NAV2: variants seen among roughly 807,000 people sequenced by gnomAD.
The protein encoded by NAV2 is neuron navigator 2, also known as helicase, APC down-regulated 1.
NAV2 carries 54 observed loss-of-function variants against 223.2 expected under a neutral mutation model. That is an observed-to-expected ratio of 0.24 (90% CI 0.19 to 0.30). The LOEUF is 0.30. Among genes scored for constraint, NAV2 ranks in the 10% least tolerant of loss-of-function variants. The pLI, the probability that NAV2 is intolerant of heterozygous loss-of-function variation, is 1.00. For missense variants in NAV2, 2,806 were observed against 3,147.5 expected (o/e 0.89, Z 2.60); for synonymous variants, 1,279 against 1,239.3 (o/e 1.03, Z -0.67).
upstream of NAV2, among the ~76,000 whole-genome samples, chr11:19,346,679 G>A (rs1853033760): frequency 6.6e-6 from 1 of 152,216 alleles, no homozygotes; most frequent in Non-Finnish European, 1.5e-5. Flanking sequence ...AAAGGCGCCA[G>A]GGTTGGCGGC....
At chr11:19,517,599 C>T (rs552599714) in intron 1 of NAV2, among the ~76,000 whole-genome samples, 1 of 152,300 alleles carries the variant, frequency 6.6e-6, no homozygotes, top group South Asian at 2.1e-4. Context: ...AGAAGTCATT[C>T]CAGAATTTCA....
At position 19,935,851 on chromosome 11, in the gene NAV2, GTTTTTT is replaced by G. The variant is rs765632685; in HGVS notation, c.2033+1593_2033+1598del. On this transcript the variant is annotated intron_variant, in intron 7 of 37. Transcript: ENST00000349880. Reference sequence around the variant, plus strand: ...ACGGCTTTTGTTTTGTTTTGTTTCTGTTTTTTTTTTTTTTTTTTTTTTTTGAGATGG... The same window carrying G: ...ACGGCTTTTGTTTTGTTTTGTTTCTGTTTTTTTTTTTTTTTTTTGAGATGG... 2.7e-4 allele frequency among the ~76,000 whole-genome samples: 14 copies of G among 52,702 alleles called. No individual in the cohort carries two copies. In the East Asian group the frequency reaches 3.9e-3, roughly 15 times the overall value. 34.6% of individuals were successfully genotyped at this position (52,702 alleles called of 152,430 possible).
chr11:19,619,191 C>A (rs536801372), intron 1 of NAV2, among the ~76,000 whole-genome samples: 1 of 151,650 alleles, frequency 6.6e-6, no homozygotes, highest in East Asian at 2.0e-4. Flanking sequence ...CAAGTCTTTG[C>A]TATTGCGAAT....
chr11:19,473,353 G>T (rs1161859981), intron 1 of NAV2, among the ~76,000 whole-genome samples: 1 of 151,990 alleles, frequency 6.6e-6, no homozygotes, highest in Non-Finnish European at 1.5e-5. Flanking sequence ...TGCAGGAGGG[G>T]GTGGGGGGAG....
chr11:19,645,122 C>T (rs1390304956), intron 1 of NAV2, among the ~76,000 whole-genome samples: 1 of 152,158 alleles, frequency 6.6e-6, no homozygotes, highest in Non-Finnish European at 1.5e-5. Context: ...ATCAAGGTGT[C>T]GAAAGGTCTG....
chr11:19,482,148 A>G (rs1315348097), intron 1 of NAV2, among the ~76,000 whole-genome samples: 1 of 152,252 alleles, frequency 6.6e-6, no homozygotes, highest in African/African-American at 2.4e-5. Flanking sequence ...TACATTTAAT[A>G]TAATCTAACT....
chr11:19,787,390 A>T (rs758492156), intron 1 of NAV2, among the ~76,000 whole-genome samples: 8 of 145,180 alleles, frequency 5.5e-5, no homozygotes, highest in Non-Finnish European at 8.9e-5. Context: ...TGTTGGGATT[A>T]CAGACGTGAA....
At chr11:19,350,529 G>C (rs1257027214), upstream of NAV2, among the ~76,000 whole-genome samples, 2 of 152,216 alleles carry the variant, frequency 1.3e-5, no homozygotes, top group African/African-American at 4.8e-5. Flanking sequence ...GATGTTAGCA[G>C]CTTGGTGGAT....
chr11:19,418,565 T>C (rs1410375437), intron 1 of NAV2, among the ~76,000 whole-genome samples: 1 of 152,168 alleles, frequency 6.6e-6, no homozygotes, highest in African/African-American at 2.4e-5. Context: ...TGTAATCACA[T>C]CTTACCAGCA....
intron 1 of NAV2, among the ~76,000 whole-genome samples, chr11:19,729,486 T>C (rs1451175368): frequency 6.6e-6 from 1 of 152,224 alleles, no homozygotes; most frequent in African/African-American, 2.4e-5. Context: ...GGCATGTGTC[T>C]CTTTGTCCTC....
At chr11:19,494,466 C>A (rs1487207) in intron 1 of NAV2, among the ~76,000 whole-genome samples, 139,606 of 152,242 alleles carry the variant, frequency 0.92, 65,241 homozygotes, top group East Asian at 1. Context: ...TTTAATCCTC[C>A]CACTTCCCAG....
At chr11:19,878,433 C>T (rs766758269) in intron 4 of NAV2, among the ~76,000 whole-genome samples, 2 of 152,126 alleles carry the variant, frequency 1.3e-5, no homozygotes, top group Non-Finnish European at 2.9e-5. Flanking sequence ...AAGCGGTGTC[C>T]GTATTGCCCT....
At chr11:19,666,635 C>G (rs1259859508) in intron 1 of NAV2, among the ~76,000 whole-genome samples, 1 of 152,138 alleles carries the variant, frequency 6.6e-6, no homozygotes, top group Admixed American at 6.5e-5. Flanking sequence ...AGATGATGCC[C>G]TTTCTCTGTC....
rs183944596 is a variant in NAV2, at chr11:19,753,169, C to T, written c.267+39207C>T. 3.3e-5 allele frequency among the ~76,000 whole-genome samples: 5 copies of T among 152,164 alleles called. No individual in the cohort carries two copies. The South Asian group carries it at 8.3e-4, about 25-fold the overall frequency. On this transcript the variant is annotated intron_variant, in intron 1 of 37. Coordinates refer to ENST00000349880, the MANE Select transcript of NAV2 (RefSeq NM_145117.5). ...TTTCTTGTTTAGGCCACCCAGTCTA[C>T]GGTATTCTGTTATAGCAGTCCAAGC...
At chr11:19,551,561 C>A (rs7928986) in intron 1 of NAV2, among the ~76,000 whole-genome samples, 1 of 152,086 alleles carries the variant, frequency 6.6e-6, no homozygotes, top group African/African-American at 2.4e-5. Flanking sequence ...AGCTCCCTCC[C>A]TGTTATGTTG....
chr11:19,563,519 G>A (rs1249425009), intron 1 of NAV2, among the ~76,000 whole-genome samples: 1 of 152,224 alleles, frequency 6.6e-6, no homozygotes, highest in African/African-American at 2.4e-5. Flanking sequence ...CTTGGATCGG[G>A]ATGCACCTGG....
At chr11:19,506,927 A>T (rs985200973) in intron 1 of NAV2, 1 of 152,194 alleles carries the variant, frequency 6.6e-6, no homozygotes, top group African/African-American at 2.4e-5. Flanking sequence ...TGAATCAAGC[A>T]CAGGGCCCTC....
chr11:19,383,837 A>T lies in NAV2; in HGVS notation c.75+32810A>T, dbSNP rs536418420. The stretch of plus-strand genomic sequence containing the variant: ...AGAGAGTAGTTAGACAATATGCGTC[A>T]AAACCTAAATGTTTGTATTCCTGTT... On this transcript the variant is annotated intron_variant, in intron 1 of 37. Transcript: ENST00000360655. Among the ~76,000 whole-genome samples, 77 of 152,366 alleles carry T rather than the reference A, an allele frequency of 5.1e-4. 1 individual carries two copies. Among genetic ancestry groups the T allele is most frequent in the African/African-American group, 1.8e-3 (76 of 41,588 alleles).
intron 1 of NAV2, among the ~76,000 whole-genome samples, chr11:19,596,635 G>T (rs1002548918): frequency 6.6e-6 from 1 of 152,194 alleles, no homozygotes; most frequent in East Asian, 1.9e-4. Flanking sequence ...GAACCAGCTC[G>T]CTGGGTTTGT....
Sources: gnomAD v4.1 joint callset for allele counts (sites outside exome capture counted in the v4.1 genomes callset) on GRCh38, gnomAD v4.1.1 for gene constraint, MANE v1.5 for transcripts, NCBI Gene and HGNC (gene_info 2026-07-23, HGNC 2026-07-21) for gene names.